Variants in MSRA observed in about 807,000 individuals in gnomAD.
MSRA encodes methionine sulfoxide reductase A, also known as mitochondrial peptide methionine sulfoxide reductase.
Under a neutral mutation model 31.3 loss-of-function variants are expected in MSRA, and 54 were observed. The ratio of observed to expected loss-of-function variants is 1.73; its 90% CI spans 1.39 to 2.17. MSRA has a LOEUF of 2.17. Among genes scored for constraint, MSRA ranks in the 30% most tolerant of loss-of-function variants. The pLI is 0.00. For synonymous variants in MSRA, 169 were observed against 116.5 expected (o/e 1.45, Z -2.90); for missense variants, 507 against 300.9 (o/e 1.69, Z -5.07).
rs191480153 is a variant in MSRA at position 10,239,075 on chromosome 8, G to A, written c.212-6029G>A. 8.0e-4 allele frequency among the ~76,000 whole-genome samples: 122 copies of A among 152,060 alleles called. 1 individual carries two copies. The highest frequency in any genetic ancestry group is 2.2e-4 in the Non-Finnish European group (15 of 67,984). ...GAAGAACCCAATAGAAAAATGAACA[G>A]AGGCACTTTATAAACGAGTGTACGT... On this transcript the variant is annotated intron_variant, in intron 2 of 5. Transcript: ENST00000317173.
At chr8:10,118,028 A>G (rs1299027808) in intron 1 of MSRA, among the ~76,000 whole-genome samples, 1 of 152,202 alleles carries the variant, frequency 6.6e-6, no homozygotes, top group Non-Finnish European at 1.5e-5. Flanking sequence ...AGATACAGAC[A>G]CCAAATCAAA....
At chr8:10,390,909 G>A (rs1160851169) in intron 5 of MSRA, among the ~76,000 whole-genome samples, 1 of 151,522 alleles carries the variant, frequency 6.6e-6, no homozygotes, top group East Asian at 2.0e-4. Context: ...CCGGGAGGTG[G>A]AGTTTGCAGT....
In MSRA at chr8:10,285,545, T is replaced by C. The variant is rs142186634; in HGVS notation, c.332-15989T>C. On this transcript the variant is annotated intron_variant, in intron 3 of 5. Transcript: ENST00000317173. ...CTGTCTGAAAATATACAATAAATGA[T>C]TGTTAATTATAGTCAGTCTGTAGGG... Among the ~76,000 whole-genome samples the C allele has an allele frequency of 1.3e-3, 192 of 152,260 alleles. 1 individual carries two copies. Among genetic ancestry groups the C allele is most frequent in the African/African-American group, 4.2e-3 (174 of 41,544 alleles).
chr8:10,057,486 G>C (rs1802444451), intron 1 of MSRA, among the ~76,000 whole-genome samples: 1 of 152,200 alleles, frequency 6.6e-6, no homozygotes, highest in African/African-American at 2.4e-5. Flanking sequence ...CTTACAGTCA[G>C]AACTGATCTT....
intron 5 of MSRA, among the ~76,000 whole-genome samples, chr8:10,414,125 C>T (rs948371488): frequency 6.6e-6 from 1 of 152,124 alleles, no homozygotes; most frequent in South Asian, 2.1e-4. Context: ...CGTGATCGTG[C>T]CACTGCACTC....
At chr8:10,197,464 G>A (rs187443089) in intron 1 of MSRA, among the ~76,000 whole-genome samples, 1 of 152,300 alleles carries the variant, frequency 6.6e-6, no homozygotes, top group African/African-American at 2.4e-5. Context: ...GTGTTGACGT[G>A]TCTGATCAGC....
chr8:10,205,574 C>A, intron 1 of MSRA, among the ~76,000 whole-genome samples: 1 of 152,166 alleles, frequency 6.6e-6, no homozygotes, highest in East Asian at 1.9e-4. Context: ...ATCGACAGAC[C>A]TTGATGGATT....
intron 5 of MSRA, among the ~76,000 whole-genome samples, chr8:10,357,157 C>T (rs1377164127): frequency 1.3e-5 from 2 of 152,164 alleles, no homozygotes; most frequent in African/African-American, 2.4e-5. Flanking sequence ...CTCCTTTTCA[C>T]GTTAACAGCC....
At chr8:10,335,315 C>T (rs1802973723) in intron 5 of MSRA, among the ~76,000 whole-genome samples, 1 of 125,080 alleles carries the variant, frequency 8.0e-6, no homozygotes, top group South Asian at 2.7e-4. Context: ...ACCCTTTCTA[C>T]TCACAGACAC....
At chr8:10,098,919 G>T (rs1324224155) in intron 1 of MSRA, among the ~76,000 whole-genome samples, 10 of 152,366 alleles carry the variant, frequency 6.6e-5, no homozygotes, top group African/African-American at 2.4e-4. Context: ...ACAGTGGCCT[G>T]TTTATGTGGG....
intron 5 of MSRA, among the ~76,000 whole-genome samples, chr8:10,424,568 C>T (rs1563466804): frequency 9.1e-6 from 1 of 110,036 alleles, no homozygotes; most frequent in Non-Finnish European, 1.9e-5. Flanking sequence ...GAGTGGGATT[C>T]GGGAGAAGGG....
intron 1 of MSRA, among the ~76,000 whole-genome samples, chr8:10,083,467 T>C (rs1303296672): frequency 6.6e-6 from 1 of 152,252 alleles, no homozygotes; most frequent in East Asian, 1.9e-4. Flanking sequence ...TGGAGAAATA[T>C]TTGATATCCA....
chr8:10,364,875 C>G (rs1259827237), intron 5 of MSRA, among the ~76,000 whole-genome samples: 2 of 152,164 alleles, frequency 1.3e-5, no homozygotes, highest in African/African-American at 4.8e-5. Flanking sequence ...GTGCGTGGGT[C>G]TTTCCCTAAA....
chr8:10,082,229 C>T (rs147252043), intron 1 of MSRA, among the ~76,000 whole-genome samples: 1 of 151,932 alleles, frequency 6.6e-6, no homozygotes, highest in Non-Finnish European at 1.5e-5. Flanking sequence ...GCCAAACAAA[C>T]GAAACAAAAC....
chr8:10,294,840 T>C lies in MSRA; in HGVS notation c.332-6694T>C, dbSNP rs556337650. On this transcript the variant is annotated intron_variant, in intron 3 of 5. Transcript: ENST00000317173. ...ACAGCAGCACAGAGTCCAGGAACCC[T>C]GAGCACCGGGACCAGGGCCGGCTTG... is the stretch of plus-strand genomic sequence containing the variant. Among the ~76,000 whole-genome samples, 13 of 151,640 alleles carry C rather than the reference T, an allele frequency of 8.6e-5. 1 individual carries two copies. The East Asian group carries it at 2.3e-3, about 27-fold the overall frequency.
chr8:10,250,330 G>A, intron 3 of MSRA: 4 of 662,828 alleles, frequency 6.0e-6, no homozygotes, highest in Non-Finnish European at 1.1e-5. Flanking sequence ...GTTAATTTCA[G>A]TGCATTAGCC....
intron 5 of MSRA, among the ~76,000 whole-genome samples, chr8:10,387,006 A>G (rs1266712971): frequency 6.6e-6 from 1 of 152,162 alleles, no homozygotes; most frequent in Non-Finnish European, 1.5e-5. Flanking sequence ...ACCTGGGGTC[A>G]TGTTAAAGTA....
chr8:10,242,130 G>A (rs1304142623), intron 2 of MSRA, among the ~76,000 whole-genome samples: 1 of 152,114 alleles, frequency 6.6e-6, no homozygotes, highest in African/African-American at 2.4e-5. Flanking sequence ...AATTAGCCGG[G>A]CATGGTAGTA....
chr8:10,316,789 A>G (rs1478194308), intron 4 of MSRA, among the ~76,000 whole-genome samples: 1 of 152,164 alleles, frequency 6.6e-6, no homozygotes, highest in Non-Finnish European at 1.5e-5. Flanking sequence ...TGTCACCTGG[A>G]TAATAAGAAG....
Sources: allele counts gnomAD v4.1 joint callset (sites outside exome capture counted in the v4.1 genomes callset), GRCh38; gene constraint gnomAD v4.1.1; transcripts MANE v1.5; gene names NCBI Gene and HGNC (gene_info 2026-07-23, HGNC 2026-07-21).